The following FMN1 variants were observed in gnomAD, a reference collection of about 807,000 sequenced individuals.
The protein encoded by FMN1 is formin 1, also known as formin-1.
A neutral mutation model predicts 132.4 loss-of-function variants in FMN1; 110 were observed. The observed-to-expected ratio is 0.83, with a 90% confidence interval of 0.71 to 0.97. The LOEUF is 0.97. FMN1 is among the 50% of genes least tolerant of loss of function. The pLI, the probability that FMN1 is intolerant of heterozygous loss-of-function variation, is 0.00. For missense variants in FMN1, 1,792 were observed against 1,705.3 expected (o/e 1.05, Z -0.90); for synonymous variants, 722 against 651.7 (o/e 1.11, Z -1.64).
At chr15:32,786,579 C>A (rs1482212369) in intron 19 of FMN1, among the ~76,000 whole-genome samples, 1 of 152,166 alleles carries the variant, frequency 6.6e-6, no homozygotes, top group African/African-American at 2.4e-5. Flanking sequence ...AACTAAGTCA[C>A]ATCAGGCCAA....
rs78544629 is a variant in FMN1 at position 32,995,494 on chromosome 15, C to T, written c.2223+12520G>A. ...AAATAAATAGTAAATCCTCTGAGTA[C>T]GGAACCTATATGAGGATTAAATAAA... is the stretch of plus-strand genomic sequence containing the variant. On this transcript the variant is annotated intron_variant, in intron 7 of 20. Coordinates refer to ENST00000616417, the MANE Select transcript of FMN1 (RefSeq NM_001277313.2). Among the ~76,000 whole-genome samples the T allele has an allele frequency of 3.1e-3, 478 of 152,178 alleles. 4 individuals are homozygous for T. The highest frequency in any genetic ancestry group is 0.01 in the Middle Eastern group (3 of 294).
chr15:33,036,664 C>A (rs992546109), intron 6 of FMN1, among the ~76,000 whole-genome samples: 8 of 152,114 alleles, frequency 5.3e-5, no homozygotes, highest in Non-Finnish European at 1.2e-4. Context: ...GCTACAATAT[C>A]TTTATCAGCA....
intron 6 of FMN1, among the ~76,000 whole-genome samples, chr15:33,032,958 A>AC (rs1201448246): frequency 6.6e-6 from 1 of 152,222 alleles, no homozygotes; most frequent in African/African-American, 2.4e-5. Flanking sequence ...TTCAACGCTT[A>AC]GAGAAGTGCC....
chr15:32,907,947 A>C lies in FMN1; in HGVS notation c.3377+543T>G, dbSNP rs182419754. Among the ~76,000 whole-genome samples the C allele has an allele frequency of 6.6e-5, 10 of 152,240 alleles. No homozygotes were observed. The East Asian group carries it at 1.9e-3, about 29-fold the overall frequency. On this transcript the variant is annotated intron_variant, in intron 12 of 20. Transcript: ENST00000616417. Reference sequence around the variant, plus strand: ...TTCAAAGCCTATGGAACGGCATCACAAACAACAGAGCAAGCAGCCATAGAT... The same window carrying C: ...TTCAAAGCCTATGGAACGGCATCACCAACAACAGAGCAAGCAGCCATAGAT...
intron 4 of FMN1, among the ~76,000 whole-genome samples, chr15:33,135,716 G>A (rs560876189): frequency 6.6e-6 from 1 of 152,280 alleles, no homozygotes; most frequent in African/African-American, 2.4e-5. Context: ...ACTTCCCCAA[G>A]GTTATGCAAT....
chr15:33,066,364 C>CT (rs2037725481), intron 5 of FMN1: 1 of 719,942 alleles, frequency 1.4e-6, no homozygotes. Flanking sequence ...CTCCATACTC[C>CT]TTACAGGACA....
At chr15:32,924,545 G>A (rs559265567) in intron 10 of FMN1, among the ~76,000 whole-genome samples, 1 of 152,296 alleles carries the variant, frequency 6.6e-6, no homozygotes, top group East Asian at 1.9e-4. Context: ...TGTTTCCACT[G>A]TGAAACTCAT....
chr15:33,026,970 C>T (rs539176775), intron 6 of FMN1, among the ~76,000 whole-genome samples: 2 of 152,304 alleles, frequency 1.3e-5, no homozygotes, highest in East Asian at 1.9e-4. Context: ...TTGCTCCTAC[C>T]ATTCAAAATT....
chr15:33,162,874 T>C (rs6494908), intron 3 of FMN1, among the ~76,000 whole-genome samples: 123,207 of 152,068 alleles, frequency 0.81, 50,575 homozygotes, highest in Middle Eastern at 0.9. Flanking sequence ...CCCAGCACTT[T>C]GGGAGGCCAA....
At chr15:32,824,559 T>A (rs2058317362) in intron 17 of FMN1, among the ~76,000 whole-genome samples, 1 of 152,174 alleles carries the variant, frequency 6.6e-6, no homozygotes, top group Non-Finnish European at 1.5e-5. Flanking sequence ...TTCTCCCTCT[T>A]AAATATATTC....
intron 3 of FMN1, 145 bp from the exon 4 acceptor site, chr15:33,155,190 C>T (rs1964623664): frequency 2.8e-6 from 1 of 359,570 alleles, no homozygotes; most frequent in Admixed American, 4.4e-5. Context: ...AGCCAGATTT[C>T]AATCTCTTCC....
intron 4 of FMN1, among the ~76,000 whole-genome samples, chr15:33,125,367 G>A (rs1962955032): frequency 6.6e-6 from 1 of 152,196 alleles, no homozygotes; most frequent in Non-Finnish European, 1.5e-5. Context: ...TTAAAATTCA[G>A]TCTTGAAGGT....
intron 16 of FMN1, among the ~76,000 whole-genome samples, chr15:32,883,757 G>A (rs985589104): frequency 7.9e-5 from 12 of 152,080 alleles, no homozygotes; most frequent in African/African-American, 2.9e-4. Context: ...AGTAGACAAT[G>A]AAAGGGAAAA....
intron 3 of FMN1, among the ~76,000 whole-genome samples, chr15:33,170,050 T>G (rs1386632904): frequency 6.6e-6 from 1 of 152,112 alleles, no homozygotes; most frequent in African/African-American, 2.4e-5. Context: ...TATCAAGTCT[T>G]TCTTCTAAAA....
chr15:32,791,952 A>G (rs1432630783), intron 19 of FMN1, among the ~76,000 whole-genome samples: 1 of 152,074 alleles, frequency 6.6e-6, no homozygotes, highest in Non-Finnish European at 1.5e-5. Context: ...CAATGAGGTG[A>G]TAGGTGAAGC....
At chr15:32,777,640 C>CAT (rs890740700) in intron 19 of FMN1, among the ~76,000 whole-genome samples, 10 of 130,082 alleles carry the variant, frequency 7.7e-5, no homozygotes, top group African/African-American at 2.6e-4. Flanking sequence ...TTACGTATAA[C>CAT]ATAACACATT....
chr15:32,777,705 TTTAC>T lies in FMN1; in HGVS notation c.4131-790_4131-787del, dbSNP rs10586193. The stretch of plus-strand genomic sequence containing the variant: ...TATATTACGTATAACATATAACACA[TTTAC>T]TTATATATTACGTATAATATATAAT... On this transcript the variant is annotated intron_variant, in intron 19 of 20. Transcript: ENST00000616417. Among the ~76,000 whole-genome samples the T allele has an allele frequency of 3.1e-4, 33 of 105,670 alleles. No individual in the cohort carries two copies. In the East Asian group the frequency reaches 3.7e-3, roughly 12 times the overall value. The allele number at this position is 105,670 out of a possible 152,430, so 69.3% of individuals were successfully genotyped here.
intron 17 of FMN1, among the ~76,000 whole-genome samples, chr15:32,843,263 A>C (rs2058786427): frequency 6.6e-6 from 1 of 152,208 alleles, no homozygotes; most frequent in South Asian, 2.1e-4. Context: ...AATTTGAAAG[A>C]GATGCAAAAC....
intron 7 of FMN1, among the ~76,000 whole-genome samples, chr15:32,981,108 A>C (rs1044554219): frequency 1.3e-5 from 2 of 152,214 alleles, no homozygotes; most frequent in African/African-American, 4.8e-5. Flanking sequence ...TTTTAAAAGG[A>C]AATTTTTTTT....
Sources: gnomAD v4.1 joint callset for allele counts (sites outside exome capture counted in the v4.1 genomes callset) on GRCh38, gnomAD v4.1.1 for gene constraint, MANE v1.5 for transcripts, NCBI Gene and HGNC (gene_info 2026-07-23, HGNC 2026-07-21) for gene names.